Variants in NRG1 observed in about 807,000 individuals in gnomAD.
The protein encoded by NRG1 is neuregulin 1.
In NRG1, 18 loss-of-function variants were observed where a neutral mutation model predicts 63.8. That is an observed-to-expected ratio of 0.28 (90% CI 0.19 to 0.42). NRG1 has a LOEUF of 0.42. NRG1 is among the 10% of genes least tolerant of loss of function. NRG1 has a pLI of 1.00. For missense variants in NRG1, 762 were observed against 814.7 expected, an observed-to-expected ratio of 0.94 and a Z score of 0.79; for synonymous variants, 302 against 301.3, an observed-to-expected ratio of 1.00 and a Z score of -0.02.
chr8:32,209,737 CCTTCCT>C, intron 1 of NRG1, among the ~76,000 whole-genome samples: 1 of 128,026 alleles, frequency 7.8e-6, no homozygotes, highest in African/African-American at 3.1e-5. Flanking sequence ...TTCCTTCCTT[CCTTCCT>C]TCCTTCCTTC....
At chr8:32,555,777 A>G (rs1835058636) in intron 1 of NRG1, among the ~76,000 whole-genome samples, 1 of 152,302 alleles carries the variant, frequency 6.6e-6, no homozygotes, top group East Asian at 1.9e-4. Flanking sequence ...GGCGGGGCTG[A>G]TATTTTAATA....
At chr8:32,594,023 G>T (rs1842951214) in intron 1 of NRG1, among the ~76,000 whole-genome samples, 1 of 152,180 alleles carries the variant, frequency 6.6e-6, no homozygotes, top group African/African-American at 2.4e-5. Context: ...GGAATATGTA[G>T]CTGTAGGGGT....
intron 7 of NRG1, chr8:32,749,427 A>G (rs770375663): frequency 4.0e-5 from 36 of 895,772 alleles, no homozygotes; most frequent in Non-Finnish European, 6.0e-5. Flanking sequence ...ACCACACACC[A>G]TTTGTCTGGT....
intron 1 of NRG1, among the ~76,000 whole-genome samples, chr8:32,493,299 CAG>C (rs1826817509): frequency 1.3e-5 from 2 of 152,116 alleles, no homozygotes; most frequent in South Asian, 2.1e-4. Context: ...GAAGAAAAAA[CAG>C]AGTCTGGATT....
chr8:32,516,014 T>G (rs1448290154), intron 1 of NRG1, among the ~76,000 whole-genome samples: 1 of 152,228 alleles, frequency 6.6e-6, no homozygotes, highest in Non-Finnish European at 1.5e-5. Flanking sequence ...TGGTATTTCC[T>G]GGGTTTTCTT....
intron 1 of NRG1, among the ~76,000 whole-genome samples, chr8:32,123,532 C>T (rs895491730): frequency 2.3e-4 from 35 of 151,024 alleles, no homozygotes; most frequent in African/African-American, 6.8e-4. Context: ...TCATTAGCAG[C>T]GTGAGAACAG....
chr8:31,683,783 C>A (rs1808586435), intron 1 of NRG1, among the ~76,000 whole-genome samples: 1 of 151,984 alleles, frequency 6.6e-6, no homozygotes, highest in African/African-American at 2.4e-5. Context: ...GGAAGCTGTG[C>A]ATGTGGGTGG....
chr8:32,479,259 T>C (rs1044771465), intron 1 of NRG1, among the ~76,000 whole-genome samples: 2 of 152,004 alleles, frequency 1.3e-5, no homozygotes, highest in South Asian at 2.1e-4. Context: ...GTGGATCACC[T>C]GAGGTCAGGA....
At chr8:32,621,756 T>A (rs900002380) in intron 5 of NRG1, among the ~76,000 whole-genome samples, 4 of 152,244 alleles carry the variant, frequency 2.6e-5, no homozygotes, top group African/African-American at 9.6e-5. Flanking sequence ...ACATGGATGA[T>A]GACTCATGGT....
At chr8:32,462,846 C>T (rs377089637) in intron 1 of NRG1, among the ~76,000 whole-genome samples, 54 of 151,888 alleles carry the variant, frequency 3.6e-4, no homozygotes, top group Non-Finnish European at 6.8e-4. Context: ...TCAGGTGATC[C>T]GCCTGCCTTG....
At chr8:32,344,381 T>TCTTTCTTTTTCTTTCTTTCTTTCTTC (rs1563338245) in intron 1 of NRG1, among the ~76,000 whole-genome samples, 26 of 90,166 alleles carry the variant, frequency 2.9e-4, no homozygotes, top group South Asian at 1.3e-3. Flanking sequence ...TTTCTTTCTT[T>TCTTTCTTTTTCTTTCTTTCTTTCTTC]CTCTTTCTTT....
At chr8:32,719,197 A>T (rs1482915789) in intron 5 of NRG1, among the ~76,000 whole-genome samples, 3 of 152,156 alleles carry the variant, frequency 2.0e-5, no homozygotes, top group Admixed American at 6.6e-5. Flanking sequence ...ATATAAAGAC[A>T]TGTTTTGAAA....
chr8:32,622,832 G>A lies in NRG1; in HGVS notation c.502+5947G>A, dbSNP rs189752924. Among the ~76,000 whole-genome samples, 1,266 of 152,324 alleles carry A rather than the reference G, an allele frequency of 8.3e-3. 3 individuals are homozygous for A. The highest frequency in any genetic ancestry group is 0.027 in the Middle Eastern group (8 of 294). On this transcript the variant is annotated intron_variant, in intron 5 of 11. Transcript: ENST00000356819. ...TCCCTTCATGTATGGAAGAGAGCTA[G>A]TGTGTGGAAAAGTGACATGGCTCTA...
chr8:32,667,150 G>A (rs1438967216), intron 5 of NRG1, among the ~76,000 whole-genome samples: 1 of 152,140 alleles, frequency 6.6e-6, no homozygotes, highest in Admixed American at 6.5e-5. Context: ...GCTACAAACT[G>A]TGCAAGTATG....
chr8:32,211,177 A>G (rs914273734), intron 1 of NRG1, among the ~76,000 whole-genome samples: 2 of 152,136 alleles, frequency 1.3e-5, no homozygotes, highest in African/African-American at 4.8e-5. Context: ...TAAAGGGGAA[A>G]GATTTTGTTC....
intron 1 of NRG1, among the ~76,000 whole-genome samples, chr8:31,937,458 A>G (rs1431764290): frequency 6.6e-6 from 1 of 152,240 alleles, no homozygotes; most frequent in African/African-American, 2.4e-5. Flanking sequence ...AGGTAAAGGT[A>G]AGAAACACTA....
chr8:32,247,744 G>C (rs1848722206), intron 1 of NRG1, among the ~76,000 whole-genome samples: 1 of 152,020 alleles, frequency 6.6e-6, no homozygotes, highest in Non-Finnish European at 1.5e-5. Context: ...TTTTTCAAAA[G>C]GGAGAAGACT....
chr8:32,556,171 G>A (rs1835138271), intron 1 of NRG1, among the ~76,000 whole-genome samples: 1 of 152,172 alleles, frequency 6.6e-6, no homozygotes, highest in Non-Finnish European at 1.5e-5. Context: ...CTTTGAAAAA[G>A]TAATTTGACT....
intron 1 of NRG1, among the ~76,000 whole-genome samples, chr8:32,319,369 T>G (rs1801117963): frequency 6.6e-6 from 1 of 152,130 alleles, no homozygotes; most frequent in Admixed American, 6.6e-5. Flanking sequence ...AAGACTCAGC[T>G]TGGAAATCAT....
Sources: gnomAD v4.1 joint callset for allele counts (sites outside exome capture counted in the v4.1 genomes callset) on GRCh38, gnomAD v4.1.1 for gene constraint, MANE v1.5 for transcripts, NCBI Gene and HGNC (gene_info 2026-07-23, HGNC 2026-07-21) for gene names.